The following PITPNC1 variants were observed in gnomAD, a reference collection of about 807,000 sequenced individuals.
PITPNC1 encodes phosphatidylinositol transfer protein cytoplasmic 1, also known as cytoplasmic phosphatidylinositol transfer protein 1.
A neutral mutation model predicts 44.7 loss-of-function variants in PITPNC1; 18 were observed. The ratio of observed to expected loss-of-function variants is 0.40; its 90% CI spans 0.28 to 0.60. PITPNC1 has a LOEUF of 0.60. PITPNC1 is among the 20% of genes least tolerant of loss of function. The pLI, the probability that PITPNC1 is intolerant of heterozygous loss-of-function variation, is 0.39. For missense variants in PITPNC1, 290 were observed against 418.4 expected (o/e 0.69, Z 2.68); for synonymous variants, 141 against 149.6 (o/e 0.94, Z 0.42).
intron 1 of PITPNC1, among the ~76,000 whole-genome samples, chr17:67,404,346 C>T (rs913224232): frequency 6.6e-6 from 1 of 152,162 alleles, no homozygotes; most frequent in African/African-American, 2.4e-5. Context: ...TACCTTCAAG[C>T]TATTATAAAT....
chr17:67,435,906 A>G (rs553217147), intron 1 of PITPNC1, among the ~76,000 whole-genome samples: 10 of 152,304 alleles, frequency 6.6e-5, no homozygotes, highest in African/African-American at 1.2e-4. Context: ...AAGTGGTATA[A>G]AAAAATAAGT....
At chr17:67,497,795 T>C (rs1323512173) in intron 1 of PITPNC1, among the ~76,000 whole-genome samples, 1 of 151,910 alleles carries the variant, frequency 6.6e-6, no homozygotes, top group Non-Finnish European at 1.5e-5. Context: ...CCCAAAGTGC[T>C]GGGATTACAA....
chr17:67,513,425 A>G (rs1158356542), intron 1 of PITPNC1, among the ~76,000 whole-genome samples: 1 of 148,472 alleles, frequency 6.7e-6, no homozygotes, highest in Admixed American at 6.8e-5. Context: ...ATATGTGTGT[A>G]TATATATGTA....
At chr17:67,612,953 C>A (rs549644765) in intron 5 of PITPNC1, 36 of 152,110 alleles carry the variant, frequency 2.4e-4, no homozygotes, top group African/African-American at 8.2e-4. Flanking sequence ...CACAGCACTT[C>A]GGGAGGCTGA....
chr17:67,412,910 C>G (rs2038525427), intron 1 of PITPNC1, among the ~76,000 whole-genome samples: 1 of 152,164 alleles, frequency 6.6e-6, no homozygotes, highest in African/African-American at 2.4e-5. Context: ...CTTATCTTTC[C>G]CATTTGCAAG....
intron 1 of PITPNC1, among the ~76,000 whole-genome samples, chr17:67,442,413 C>T (rs933659457): frequency 7.3e-5 from 11 of 150,722 alleles, no homozygotes; most frequent in Admixed American, 2.0e-4. Context: ...TGGGAGATGA[C>T]GAGGGTGGGA....
intron 1 of PITPNC1, among the ~76,000 whole-genome samples, chr17:67,382,700 C>G (rs1397768556): frequency 6.6e-6 from 1 of 152,118 alleles, no homozygotes; most frequent in Non-Finnish European, 1.5e-5. Context: ...TTTCGGCTCA[C>G]TGCGACCTCC....
chr17:67,660,376 C>T (rs982316238), intron 6 of PITPNC1, among the ~76,000 whole-genome samples: 2 of 152,066 alleles, frequency 1.3e-5, no homozygotes, highest in African/African-American at 4.8e-5. Context: ...CTGCCCTGGA[C>T]TATAGGATTG....
At chr17:67,545,261 A>G (rs997782162) in intron 2 of PITPNC1, among the ~76,000 whole-genome samples, 4 of 151,936 alleles carry the variant, frequency 2.6e-5, no homozygotes, top group African/African-American at 9.7e-5. Context: ...GCAGTGAGCT[A>G]TGATGGCACC....
chr17:67,560,511 C>T (rs1452307792), intron 4 of PITPNC1, among the ~76,000 whole-genome samples: 1 of 152,176 alleles, frequency 6.6e-6, no homozygotes, highest in African/African-American at 2.4e-5. Flanking sequence ...GTTGGGATGG[C>T]AGTGGGTTTG....
At chr17:67,611,644 T>C (rs1166371539) in intron 5 of PITPNC1, 4 of 152,262 alleles carry the variant, frequency 2.6e-5, no homozygotes, top group Non-Finnish European at 5.9e-5. Flanking sequence ...ACCCAGCTAA[T>C]TTTGTATTTT....
At chr17:67,599,721 G>A (rs959269494) in intron 5 of PITPNC1, among the ~76,000 whole-genome samples, 3 of 152,306 alleles carry the variant, frequency 2.0e-5, no homozygotes, top group African/African-American at 7.2e-5. Flanking sequence ...AAGCCAGCTT[G>A]TAGTATCCTT....
chr17:67,561,383 G>C (rs2040904555), intron 4 of PITPNC1, among the ~76,000 whole-genome samples: 1 of 151,836 alleles, frequency 6.6e-6, no homozygotes, highest in Non-Finnish European at 1.5e-5. Context: ...TTGAACCTGG[G>C]ATGCGGAGGT....
chr17:67,474,729 A>AT (rs1470172300), intron 1 of PITPNC1, among the ~76,000 whole-genome samples: 1 of 151,918 alleles, frequency 6.6e-6, no homozygotes, highest in African/African-American at 2.4e-5. Context: ...TCCATAGCTC[A>AT]TTGCAGCCTT....
intron 4 of PITPNC1, among the ~76,000 whole-genome samples, chr17:67,577,452 A>G (rs986951536): frequency 6.6e-6 from 1 of 151,586 alleles, no homozygotes; most frequent in Non-Finnish European, 1.5e-5. Context: ...GCCGGGCTAC[A>G]CGGAAGGCTA....
chr17:67,622,600 A>G (rs1432599432), intron 5 of PITPNC1, among the ~76,000 whole-genome samples: 3 of 151,386 alleles, frequency 2.0e-5, no homozygotes, highest in Admixed American at 6.6e-5. Flanking sequence ...TAATCAATAA[A>G]CCATGAACTG....
At position 67,521,861 on chromosome 17, in the gene PITPNC1, T is replaced by G. The variant is rs562781745; in HGVS notation, c.49-10941T>G. Reference sequence around the variant, plus strand: ...CATTCATGTTCATTGAGGAATGTGTTCTCATTGAGACCGGATCAGAACTCA... The same window carrying G: ...CATTCATGTTCATTGAGGAATGTGTGCTCATTGAGACCGGATCAGAACTCA... On this transcript the variant is annotated intron_variant, in intron 1 of 8. Transcript: ENST00000581322. Among the ~76,000 whole-genome samples, 18 of 152,324 alleles carry G rather than the reference T, an allele frequency of 1.2e-4. No homozygotes were observed. In the South Asian group the frequency reaches 2.3e-3, roughly 19 times the overall value.
At chr17:67,444,607 A>G (rs1040525398) in intron 1 of PITPNC1, among the ~76,000 whole-genome samples, 2 of 151,992 alleles carry the variant, frequency 1.3e-5, no homozygotes. Flanking sequence ...TTAATAGAAG[A>G]GAAGGCTGGC....
chr17:67,531,310 T>A (rs527618838), intron 1 of PITPNC1, among the ~76,000 whole-genome samples: 2 of 152,356 alleles, frequency 1.3e-5, no homozygotes, highest in South Asian at 4.1e-4. Context: ...TTATCCCCAG[T>A]GCTGCCCACT....
Sources: gnomAD v4.1 joint callset for allele counts (sites outside exome capture counted in the v4.1 genomes callset) on GRCh38, gnomAD v4.1.1 for gene constraint, MANE v1.5 for transcripts, NCBI Gene and HGNC (gene_info 2026-07-23, HGNC 2026-07-21) for gene names.